Variants in KCNJ3 observed in about 807,000 individuals in gnomAD.
The protein encoded by KCNJ3 is G protein-activated inward rectifier potassium channel 1.
KCNJ3 carries 4 observed loss-of-function variants against 39.2 expected under a neutral mutation model. The ratio of observed to expected loss-of-function variants is 0.10; its 90% CI spans 0.05 to 0.23. KCNJ3 has a LOEUF of 0.23. Ranked by LOEUF, KCNJ3 falls within the 10% of genes least tolerant of loss-of-function variation. KCNJ3 has a pLI of 1.00. For missense variants in KCNJ3, 276 were observed against 634.9 expected, an observed-to-expected ratio of 0.43 and a Z score of 6.08; for synonymous variants, 230 against 237.4, an observed-to-expected ratio of 0.97 and a Z score of 0.29.
intron 2 of KCNJ3, among the ~76,000 whole-genome samples, chr2:154,811,657 C>A (rs1317957606): frequency 6.6e-6 from 1 of 152,126 alleles, no homozygotes; most frequent in Non-Finnish European, 1.5e-5. Flanking sequence ...CATGAGCCCT[C>A]ACTCCACTAT....
rs766812067 is a variant in KCNJ3, at chr2:154,709,818, T to C, written c.918T>C (p.Thr306=). The C allele has an allele frequency of 8.3e-5, 134 of 1,613,464 alleles. No homozygotes were observed. Among genetic ancestry groups the C allele is most frequent in the Non-Finnish European group, 1.1e-4 (127 of 1,179,670 alleles). ...TCCTAGAAGGCATTGTGGAAACAACTGGTGAGTAAAAACAGATATGCCATA... is the reference window on the plus strand; with the variant it reads ...TCCTAGAAGGCATTGTGGAAACAACCGGTGAGTAAAAACAGATATGCCATA... ...VVILEGIVET[T]GMTCQARTSY... is the part of the protein sequence containing the mutation. The change falls in exon 2 of 3, where the codon ACT becomes ACC. Residue 306 remains threonine, a splice_region_variant and synonymous_variant. Coordinates refer to ENST00000295101, the MANE Select transcript of KCNJ3 (RefSeq NM_002239.4).
intron 2 of KCNJ3, among the ~76,000 whole-genome samples, chr2:154,757,119 G>A (rs1279923769): frequency 6.6e-6 from 1 of 152,048 alleles, no homozygotes; most frequent in Admixed American, 6.6e-5. Context: ...ATTTTTCAAA[G>A]TGGAACAGGA....
intron 2 of KCNJ3, among the ~76,000 whole-genome samples, chr2:154,729,303 C>A (rs998065484): frequency 6.6e-6 from 1 of 152,100 alleles, no homozygotes; most frequent in Non-Finnish European, 1.5e-5. Context: ...TGTTTTGCAA[C>A]CAACTTTGCC....
At chr2:154,728,456 T>A (rs948655148) in intron 2 of KCNJ3, among the ~76,000 whole-genome samples, 1 of 152,174 alleles carries the variant, frequency 6.6e-6, no homozygotes, top group African/African-American at 2.4e-5. Flanking sequence ...ATTCTCAAAG[T>A]TTTGTGAAGT....
At chr2:154,752,948 C>A (rs1023324830) in intron 2 of KCNJ3, among the ~76,000 whole-genome samples, 1 of 151,878 alleles carries the variant, frequency 6.6e-6, no homozygotes, top group African/African-American at 2.4e-5. Context: ...AATATATAAC[C>A]AATCAGTATG....
chr2:154,720,043 A>T (rs1386518590), intron 2 of KCNJ3, among the ~76,000 whole-genome samples: 1 of 152,074 alleles, frequency 6.6e-6, no homozygotes, highest in Non-Finnish European at 1.5e-5. Context: ...TCATAACTGC[A>T]CTTATTATTG....
At chr2:154,717,484 G>T (rs759869398) in intron 2 of KCNJ3, among the ~76,000 whole-genome samples, 4 of 152,164 alleles carry the variant, frequency 2.6e-5, no homozygotes, top group Admixed American at 2.6e-4. Context: ...GGTCCTTCAT[G>T]AAGTTGTCTG....
intron 2 of KCNJ3, among the ~76,000 whole-genome samples, chr2:154,765,520 A>G (rs765606920): frequency 3.2e-4 from 49 of 152,204 alleles, no homozygotes; most frequent in Non-Finnish European, 6.6e-4. Context: ...CATAGTTGGC[A>G]CTCAGTATGC....
intron 2 of KCNJ3, among the ~76,000 whole-genome samples, chr2:154,746,226 T>C (rs1365484096): frequency 6.6e-6 from 1 of 151,980 alleles, no homozygotes; most frequent in Non-Finnish European, 1.5e-5. Flanking sequence ...AACATTAAAA[T>C]ATTTGTTAAT....
At chr2:154,805,593 A>G (rs943261593) in intron 2 of KCNJ3, among the ~76,000 whole-genome samples, 7 of 152,128 alleles carry the variant, frequency 4.6e-5, no homozygotes, top group African/African-American at 1.7e-4. Context: ...AATTTGTGGA[A>G]CTTTTTAGTT....
At position 154,730,371 on chromosome 2, in the gene KCNJ3, T is replaced by A. The variant is rs368930168; in HGVS notation, c.919+20552T>A. ...ATGGATAATCTGAGAAAAGAGGAAA[T>A]CCTTGCTCAGCCAAGTTTTAAAAGT... On this transcript the variant is annotated intron_variant, in intron 2 of 2. Transcript: ENST00000295101. Among the ~76,000 whole-genome samples the A allele has an allele frequency of 2.0e-5, 3 of 152,206 alleles. No individual in the cohort carries two copies. The East Asian group carries it at 5.8e-4, about 29-fold the overall frequency.
At chr2:154,745,273 T>C (rs761744415) in intron 2 of KCNJ3, among the ~76,000 whole-genome samples, 1 of 152,040 alleles carries the variant, frequency 6.6e-6, no homozygotes, top group African/African-American at 2.4e-5. Flanking sequence ...ATATCCTTAC[T>C]AGGTTTTTGT....
At chr2:154,765,783 C>T (rs2652438) in intron 2 of KCNJ3, among the ~76,000 whole-genome samples, 74,906 of 151,960 alleles carry the variant, frequency 0.49, 19,629 homozygotes, top group East Asian at 0.97. Flanking sequence ...TGGAAACTAC[C>T]AGTTCTAGTT....
intron 2 of KCNJ3, among the ~76,000 whole-genome samples, chr2:154,715,637 C>T (rs927832125): frequency 6.6e-5 from 10 of 152,170 alleles, no homozygotes; most frequent in Non-Finnish European, 1.0e-4. Flanking sequence ...TTTTATCTAT[C>T]GCACTGTTAA....
At chr2:154,819,292 T>G (rs943039685) in intron 2 of KCNJ3, among the ~76,000 whole-genome samples, 10 of 152,132 alleles carry the variant, frequency 6.6e-5, no homozygotes, top group Non-Finnish European at 1.0e-4. Flanking sequence ...AAACTTTTTA[T>G]TGTTAGGGTT....
chr2:154,829,276 C>T (rs1687322765), intron 2 of KCNJ3, among the ~76,000 whole-genome samples: 1 of 152,176 alleles, frequency 6.6e-6, no homozygotes, highest in Admixed American at 6.6e-5. Flanking sequence ...TCTCACCCTC[C>T]TCCCAGCCGC....
chr2:154,761,033 G>C (rs1365494395), intron 2 of KCNJ3, among the ~76,000 whole-genome samples: 1 of 147,690 alleles, frequency 6.8e-6, no homozygotes, highest in Non-Finnish European at 1.5e-5. Flanking sequence ...CACCGTGACC[G>C]GCCCCCTTAA....
rs148013016 is a variant in KCNJ3 at position 154,769,679 on chromosome 2, A to G, written c.919+59860A>G. ...TATTGTGTCTATGCCAGGCTTTGGT[A>G]TCAGGATGATGCTGGCCTCATAAAA... is the stretch of plus-strand genomic sequence containing the variant. On this transcript the variant is annotated intron_variant, in intron 2 of 2. Transcript: ENST00000295101. Among the ~76,000 whole-genome samples, 7 of 152,212 alleles carry G rather than the reference A, an allele frequency of 4.6e-5. 1 individual carries two copies. In the East Asian group the frequency reaches 1.2e-3, roughly 25 times the overall value.
chr2:154,844,722 G>A (rs1401393775), intron 2 of KCNJ3, among the ~76,000 whole-genome samples: 1 of 152,208 alleles, frequency 6.6e-6, no homozygotes, highest in Admixed American at 6.5e-5. Flanking sequence ...CTAGCAGTGA[G>A]CAAGGCTCCG....
Sources: allele counts gnomAD v4.1 joint callset (sites outside exome capture counted in the v4.1 genomes callset), GRCh38; gene constraint gnomAD v4.1.1; transcripts MANE v1.5; gene names NCBI Gene and HGNC (gene_info 2026-07-23, HGNC 2026-07-21).